Variants in BRINP3 observed in about 807,000 individuals in gnomAD.
BRINP3 encodes the protein BMP/retinoic acid inducible neural specific 3.
A neutral mutation model predicts 71.0 loss-of-function variants in BRINP3; 19 were observed. The ratio of observed to expected loss-of-function variants is 0.27; its 90% confidence interval spans 0.19 to 0.39. The LOEUF is 0.39. Among genes scored for constraint, BRINP3 ranks in the 10% least tolerant of loss-of-function variants. BRINP3 has a pLI of 1.00. For synonymous variants in BRINP3, 380 were observed against 337.7 expected (o/e 1.13, Z -1.37); for missense variants, 959 against 940.8 (o/e 1.02, Z -0.25).
At chr1:190,147,341 A>G in intron 7 of BRINP3, among the ~76,000 whole-genome samples, 1 of 152,148 alleles carries the variant, frequency 6.6e-6, no homozygotes, top group East Asian at 1.9e-4. Context: ...TGGCATAATT[A>G]TACTATCCAA....
chr1:190,459,601 T>A (rs1026410757), intron 1 of BRINP3, among the ~76,000 whole-genome samples: 3 of 152,024 alleles, frequency 2.0e-5, no homozygotes, highest in Non-Finnish European at 2.9e-5. Context: ...TATCTTATTA[T>A]CCACAACTGA....
At chr1:190,417,440 G>T (rs1473735128) in intron 2 of BRINP3, among the ~76,000 whole-genome samples, 1 of 151,822 alleles carries the variant, frequency 6.6e-6, no homozygotes, top group Non-Finnish European at 1.5e-5. Context: ...AATATTTATT[G>T]TACAGCCTTT....
chr1:190,222,073 G>A (rs1471392737), intron 6 of BRINP3, among the ~76,000 whole-genome samples: 1 of 151,940 alleles, frequency 6.6e-6, no homozygotes, highest in Non-Finnish European at 1.5e-5. Context: ...ATGGGCCCTA[G>A]ATGACATTAA....
intron 7 of BRINP3, among the ~76,000 whole-genome samples, chr1:190,138,631 G>C (rs778164296): frequency 3.9e-5 from 6 of 152,060 alleles, no homozygotes; most frequent in African/African-American, 1.4e-4. Flanking sequence ...ATAATTGAAC[G>C]CTGTGAAACT....
chr1:190,243,010 C>G (rs757133632), intron 4 of BRINP3, among the ~76,000 whole-genome samples: 1 of 151,998 alleles, frequency 6.6e-6, no homozygotes, highest in Non-Finnish European at 1.5e-5. Context: ...ATAAATTATC[C>G]TCTATCAAAA....
chr1:190,370,469 T>G (rs1417879221), intron 2 of BRINP3, among the ~76,000 whole-genome samples: 1 of 152,080 alleles, frequency 6.6e-6, no homozygotes, highest in Non-Finnish European at 1.5e-5. Flanking sequence ...CAGAAAAATT[T>G]GGGAGGGGAG....
intron 7 of BRINP3, among the ~76,000 whole-genome samples, chr1:190,154,679 G>T (rs1473747905): frequency 6.6e-6 from 1 of 152,096 alleles, no homozygotes; most frequent in Non-Finnish European, 1.5e-5. Flanking sequence ...AAAGTTTACT[G>T]CATCTTAATC....
At chr1:190,118,680 A>C (rs544840122) in intron 7 of BRINP3, among the ~76,000 whole-genome samples, 1 of 152,156 alleles carries the variant, frequency 6.6e-6, no homozygotes, top group African/African-American at 2.4e-5. Flanking sequence ...GCTACTTAAG[A>C]CTGCCTTTCC....
At chr1:190,368,777 A>C (rs1452738320) in intron 2 of BRINP3, among the ~76,000 whole-genome samples, 1 of 152,158 alleles carries the variant, frequency 6.6e-6, no homozygotes, top group Non-Finnish European at 1.5e-5. Flanking sequence ...TTCAGGAATC[A>C]GACCTTAGTT....
chr1:190,208,966 G>A (rs1288659251), intron 6 of BRINP3, among the ~76,000 whole-genome samples: 4 of 152,006 alleles, frequency 2.6e-5, no homozygotes, highest in Admixed American at 6.6e-5. Flanking sequence ...ATGGGGTAAT[G>A]CCTAAAATGT....
Position 190,307,885 on chromosome 1 carries a change from G to A in BRINP3, c.237-26135C>T, listed in dbSNP as rs979719844. 8.6e-5 allele frequency among the ~76,000 whole-genome samples: 13 copies of A among 151,850 alleles called. 1 individual carries two copies. The highest frequency in any genetic ancestry group is 3.1e-4 in the African/African-American group (13 of 41,360). On this transcript the variant is annotated intron_variant, in intron 2 of 7. Transcript: ENST00000367462. ...GACTAAAATAAACATTTCAAAATAC[G>A]TTGAACTGGCAAGAAAATTAGGAAA...
chr1:190,101,411 A>G (rs2102243633), intron 7 of BRINP3, among the ~76,000 whole-genome samples: 1 of 152,282 alleles, frequency 6.6e-6, no homozygotes, highest in South Asian at 2.1e-4. Flanking sequence ...TTGCTGGTTT[A>G]TAAAATAGCT....
intron 2 of BRINP3, among the ~76,000 whole-genome samples, chr1:190,323,526 A>G (rs1381536263): frequency 6.6e-6 from 1 of 151,812 alleles, no homozygotes; most frequent in Non-Finnish European, 1.5e-5. Context: ...TTTTCATCTA[A>G]TGAGAGTTAT....
chr1:190,205,169 T>G (rs543244451), intron 6 of BRINP3, among the ~76,000 whole-genome samples: 1 of 152,014 alleles, frequency 6.6e-6, no homozygotes, highest in African/African-American at 2.4e-5. Flanking sequence ...CAGACACCAG[T>G]TGATCTGCAA....
chr1:190,397,742 T>C (rs1671670481), intron 2 of BRINP3, among the ~76,000 whole-genome samples: 1 of 151,952 alleles, frequency 6.6e-6, no homozygotes, highest in African/African-American at 2.4e-5. Flanking sequence ...ATTATGCATG[T>C]GAATAATTAA....
intron 2 of BRINP3, among the ~76,000 whole-genome samples, chr1:190,381,546 T>G (rs1670550657): frequency 6.6e-6 from 1 of 152,206 alleles, no homozygotes; most frequent in African/African-American, 2.4e-5. Context: ...TGTCTAACTT[T>G]ACTATAGCTT....
At chr1:190,327,967 A>G (rs1666721926) in intron 2 of BRINP3, among the ~76,000 whole-genome samples, 1 of 152,172 alleles carries the variant, frequency 6.6e-6, no homozygotes, top group Admixed American at 6.6e-5. Context: ...TTGGAGTAAA[A>G]ACAGAAATCA....
intron 1 of BRINP3, among the ~76,000 whole-genome samples, chr1:190,476,394 G>T (rs1677506995): frequency 6.6e-6 from 1 of 152,102 alleles, no homozygotes; most frequent in Non-Finnish European, 1.5e-5. Flanking sequence ...CCCTCAGTGG[G>T]TGTTAAAAAT....
chr1:190,304,085 A>T (rs1664923502), intron 2 of BRINP3, among the ~76,000 whole-genome samples: 1 of 151,830 alleles, frequency 6.6e-6, no homozygotes, highest in Admixed American at 6.6e-5. Flanking sequence ...CACTTATGCA[A>T]GTCTGCCACT....
Sources: gnomAD v4.1 joint callset for allele counts (sites outside exome capture counted in the v4.1 genomes callset) on GRCh38, gnomAD v4.1.1 for gene constraint, MANE v1.5 for transcripts, NCBI Gene and HGNC (gene_info 2026-07-23, HGNC 2026-07-21) for gene names.